Variants in PPP3CC observed in about 807,000 individuals in gnomAD.
The protein encoded by PPP3CC is serine/threonine-protein phosphatase 2B catalytic subunit gamma isoform.
Under a neutral mutation model 60.3 loss-of-function variants are expected in PPP3CC, and 35 were observed. The ratio of observed to expected loss-of-function variants is 0.58; its 90% CI spans 0.44 to 0.77. The LOEUF is 0.77. Ranked by LOEUF, PPP3CC falls within the 30% of genes least tolerant of loss-of-function variation. The pLI, the probability that PPP3CC is intolerant of heterozygous loss-of-function variation, is 0.00. For synonymous variants in PPP3CC, 206 were observed against 224.3 expected, an observed-to-expected ratio of 0.92 and a Z score of 0.73; for missense variants, 570 against 628.9, an observed-to-expected ratio of 0.91 and a Z score of 1.00.
chr8:22,490,158 G>A (rs554070654), intron 3 of PPP3CC, among the ~76,000 whole-genome samples: 18 of 152,118 alleles, frequency 1.2e-4, no homozygotes. Context: ...AATGTATAGA[G>A]CTTTTACAGA....
chr8:22,482,448 G>A (rs1838097360), intron 3 of PPP3CC, among the ~76,000 whole-genome samples: 1 of 152,088 alleles, frequency 6.6e-6, no homozygotes, highest in African/African-American at 2.4e-5. Context: ...TTTGTCAGAT[G>A]GATAGATTGC....
intron 1 of PPP3CC, among the ~76,000 whole-genome samples, chr8:22,474,195 G>A (rs971191047): frequency 1.3e-5 from 2 of 151,956 alleles, no homozygotes; most frequent in Admixed American, 6.6e-5. Context: ...GTGCCCGGCC[G>A]AGACTTCTAA....
rs1837841978 is a variant in PPP3CC at position 22,474,945 on chromosome 8, T to A, written c.50-9T>A. 3.4e-6 allele frequency: 5 copies of A among 1,473,956 alleles called. No homozygotes were observed. The highest frequency in any genetic ancestry group is 2.8e-5 in the African/African-American group (2 of 70,342). The allele number at this position is 1,473,956 out of a possible 1,614,324, so 91.3% of individuals were successfully genotyped here. A position where few individuals can be genotyped will look rare whatever the true frequency, so the allele number is the denominator to read the frequency against. The stretch of plus-strand genomic sequence containing the variant: ...AATATTTTAAATTATTATTATTATT[T>A]TTTTGTAGCTGTCCCCTTTCCTCCA... On this transcript the variant is annotated splice_polypyrimidine_tract_variant and intron_variant, in intron 1 of 13. Coordinates refer to ENST00000240139, the MANE Select transcript of PPP3CC (RefSeq NM_005605.5).
chr8:22,540,639 A>G lies in PPP3CC; in HGVS notation c.1376A>G (p.His459Arg), dbSNP rs1448632305. The G allele has an allele frequency of 2.5e-6, 4 of 1,613,656 alleles. No individual in the cohort carries two copies. The highest frequency in any genetic ancestry group is 2.7e-5 in the African/African-American group (2 of 74,918). ...REAIRGFSLQ[H>R]KIRSFEEARG... ...GCCATCAGAGGGTTCTCGCTTCAGC[A>G]CAAGATCCGGAGTTTTGAAGAAGCG... Residue 459 changes from histidine (H) to arginine (R), a missense_variant, in exon 14 of 14, where the codon CAC becomes CGC. Physicochemically the swap from His to Arg is conservative, Grantham distance 29. Coordinates refer to ENST00000240139, the MANE Select transcript of PPP3CC (RefSeq NM_005605.5).
intron 6 of PPP3CC, among the ~76,000 whole-genome samples, chr8:22,514,739 G>A (rs1288485643): frequency 1.4e-5 from 2 of 144,802 alleles, no homozygotes; most frequent in African/African-American, 2.6e-5. Context: ...CACCCAGGCT[G>A]GTGTGATCTC....
chr8:22,519,519 T>G (rs1375298572), intron 6 of PPP3CC, among the ~76,000 whole-genome samples: 1 of 152,236 alleles, frequency 6.6e-6, no homozygotes, highest in Non-Finnish European at 1.5e-5. Flanking sequence ...TCTACTGTGC[T>G]TTTTTGTTCA....
At chr8:22,509,675 T>A (rs1839025440) in intron 4 of PPP3CC, among the ~76,000 whole-genome samples, 1 of 152,180 alleles carries the variant, frequency 6.6e-6, no homozygotes, top group African/African-American at 2.4e-5. Context: ...GACAGCCACA[T>A]CAAAATATAA....
At chr8:22,525,528 TTCTTTCTTTCTCTCCC>T (rs558588067) in intron 8 of PPP3CC, among the ~76,000 whole-genome samples, 6,677 of 109,342 alleles carry the variant, frequency 0.061, 212 homozygotes, top group East Asian at 0.078. Context: ...CTTTCTTTCT[TTCTTTCTTTCTCTCCC>T]TCTCTCTCTC....
At chr8:22,499,143 T>G (rs1377854751) in intron 4 of PPP3CC, among the ~76,000 whole-genome samples, 1 of 134,806 alleles carries the variant, frequency 7.4e-6, no homozygotes. Context: ...TAGAATTATT[T>G]TGAAAGTCAA....
At chr8:22,490,946 TATA>T (rs1838386293) in intron 3 of PPP3CC, among the ~76,000 whole-genome samples, 1 of 152,206 alleles carries the variant, frequency 6.6e-6, no homozygotes, top group Admixed American at 6.5e-5. Context: ...CAGCATGACT[TATA>T]ATCCTTTGGG....
intron 1 of PPP3CC, among the ~76,000 whole-genome samples, chr8:22,460,923 G>T (rs1370764636): frequency 2.6e-5 from 4 of 151,978 alleles, no homozygotes; most frequent in South Asian, 2.1e-4. Flanking sequence ...TCGGCTCACT[G>T]CAACCTCCAC....
chr8:22,449,631 A>T (rs1836944618), intron 1 of PPP3CC, among the ~76,000 whole-genome samples: 1 of 151,920 alleles, frequency 6.6e-6, no homozygotes, highest in South Asian at 2.1e-4. Flanking sequence ...TAGCAGAAAA[A>T]GTAGTGGTTT....
intron 8 of PPP3CC, among the ~76,000 whole-genome samples, chr8:22,523,318 GC>G (rs1839458205): frequency 6.6e-6 from 1 of 151,954 alleles, no homozygotes; most frequent in South Asian, 2.1e-4. Context: ...ATATATACAT[GC>G]CTTTTGTTCC....
At chr8:22,523,366 CT>C (rs1361257569) in intron 8 of PPP3CC, among the ~76,000 whole-genome samples, 3 of 151,760 alleles carry the variant, frequency 2.0e-5, no homozygotes, top group Non-Finnish European at 2.9e-5. Context: ...CTGTTAAAGT[CT>C]TTTTTTTAAT....
At chr8:22,537,131 T>C (rs903962475) in intron 12 of PPP3CC, among the ~76,000 whole-genome samples, 3 of 152,056 alleles carry the variant, frequency 2.0e-5, no homozygotes, top group Non-Finnish European at 4.4e-5. Flanking sequence ...ATCAAGAAAA[T>C]GAAAAGACAT....
chr8:22,503,565 A>T (rs1838824207), intron 4 of PPP3CC, among the ~76,000 whole-genome samples: 1 of 152,108 alleles, frequency 6.6e-6, no homozygotes, highest in South Asian at 2.1e-4. Flanking sequence ...TAGTAGGTGT[A>T]TCTATTTATG....
intron 1 of PPP3CC, among the ~76,000 whole-genome samples, chr8:22,468,114 G>GT (rs1180551120): frequency 6.6e-6 from 1 of 151,468 alleles, no homozygotes; most frequent in African/African-American, 2.4e-5. Context: ...TCTTTTTTTT[G>GT]TTTTTTTGAG....
chr8:22,498,499 G>A (rs944974378), intron 4 of PPP3CC, among the ~76,000 whole-genome samples: 9 of 151,998 alleles, frequency 5.9e-5, no homozygotes, highest in Admixed American at 1.3e-4. Flanking sequence ...GGTAATCACT[G>A]TTATCACACT....
chr8:22,527,610 C>T, intron 9 of PPP3CC, 93 bp downstream of exon 9: 7 of 1,395,000 alleles, frequency 5.0e-6, no homozygotes, highest in Middle Eastern at 1.9e-4. Context: ...GAAATGTTTT[C>T]TAATTTTGTT....
Sources: allele counts gnomAD v4.1 joint callset (sites outside exome capture counted in the v4.1 genomes callset), GRCh38; gene constraint gnomAD v4.1.1; transcripts MANE v1.5; gene names NCBI Gene and HGNC (gene_info 2026-07-23, HGNC 2026-07-21).